CDH18: variants seen among roughly 807,000 people sequenced by gnomAD.
CDH18 encodes the protein cadherin-18.
In CDH18, 31 loss-of-function variants were observed where a neutral mutation model predicts 67.9. The observed-to-expected ratio is 0.46, with a 90% CI of 0.34 to 0.62. The LOEUF is 0.62. Ranked by LOEUF, CDH18 falls within the 20% of genes least tolerant of loss-of-function variation. CDH18 has a pLI of 0.01. For synonymous variants in CDH18, 362 were observed against 347.2 expected, an observed-to-expected ratio of 1.04 and a Z score of -0.48; for missense variants, 890 against 975.5, an observed-to-expected ratio of 0.91 and a Z score of 1.17.
At chr5:19,833,532 C>T (rs1781290648) in intron 3 of CDH18, among the ~76,000 whole-genome samples, 1 of 152,068 alleles carries the variant, frequency 6.6e-6, no homozygotes, top group Admixed American at 6.6e-5. Flanking sequence ...TGCCTGATTG[C>T]CCTGGCCAGA....
At chr5:20,396,607 C>A (rs1199754683) in intron 1 of CDH18, among the ~76,000 whole-genome samples, 2 of 151,264 alleles carry the variant, frequency 1.3e-5, no homozygotes, top group Admixed American at 6.6e-5. Context: ...ATGAATCGGG[C>A]AAATAATTTT....
At chr5:19,801,190 T>C (rs1303578262) in intron 3 of CDH18, among the ~76,000 whole-genome samples, 2 of 152,166 alleles carry the variant, frequency 1.3e-5, no homozygotes, top group African/African-American at 4.8e-5. Context: ...AAAAAAATCC[T>C]TGGTTTCCTT....
chr5:19,652,521 GT>G lies in CDH18; in HGVS notation c.644-39921del, dbSNP rs80124211. The stretch of plus-strand genomic sequence containing the variant: ...TATGAGGAATATTAGAGCAAAAAGA[GT>G]TTTTTTTAAAAAAAAGAATTTAAGA... On this transcript the variant is annotated intron_variant, in intron 5 of 12. Transcript: ENST00000382275. Among the ~76,000 whole-genome samples, 3 of 151,826 alleles carry G rather than the reference GT, an allele frequency of 2.0e-5. No homozygotes were observed. In the South Asian group the frequency reaches 6.2e-4, roughly 31 times the overall value.
chr5:20,335,959 G>A (rs1435430961), intron 1 of CDH18, among the ~76,000 whole-genome samples: 1 of 152,170 alleles, frequency 6.6e-6, no homozygotes, highest in Admixed American at 6.6e-5. Context: ...CTAAGCAGAA[G>A]GGTTTGTGTA....
chr5:19,487,136 G>C (rs1297375476), intron 11 of CDH18, among the ~76,000 whole-genome samples: 1 of 152,168 alleles, frequency 6.6e-6, no homozygotes, highest in Non-Finnish European at 1.5e-5. Flanking sequence ...TTAGAGGCTA[G>C]ACTTTGGAAA....
At chr5:20,499,784 A>G (rs968437856) in intron 1 of CDH18, among the ~76,000 whole-genome samples, 1 of 152,188 alleles carries the variant, frequency 6.6e-6, no homozygotes, top group African/African-American at 2.4e-5. Flanking sequence ...GCATATAGCA[A>G]ATCAATAAAT....
At chr5:19,860,121 G>A (rs777638585) in intron 2 of CDH18, among the ~76,000 whole-genome samples, 23 of 151,800 alleles carry the variant, frequency 1.5e-4, no homozygotes, top group Non-Finnish European at 2.9e-4. Context: ...GTCATCCATT[G>A]AATAATTTTA....
At position 20,118,309 on chromosome 5, in the gene CDH18, A is replaced by C. The variant is rs6861037; in HGVS notation, c.-517-126295T>G. On this transcript the variant is annotated intron_variant, in intron 2 of 14. Transcript: ENST00000507958. ...TAAAAATAGGAAGTTCTCACATCAA[A>C]ATTATAAAAGCATCTATTTATAGCT... 4.6e-3 allele frequency among the ~76,000 whole-genome samples: 699 copies of C among 152,244 alleles called. 7 individuals are homozygous for C. The highest frequency in any genetic ancestry group is 0.016 in the African/African-American group (645 of 41,550).
At chr5:20,226,728 A>G (rs969839040) in intron 2 of CDH18, among the ~76,000 whole-genome samples, 3 of 152,162 alleles carry the variant, frequency 2.0e-5, no homozygotes, top group Non-Finnish European at 4.4e-5. Context: ...AAAGTGGAAT[A>G]ATTATTTACT....
intron 2 of CDH18, among the ~76,000 whole-genome samples, chr5:20,065,729 T>G (rs1220257876): frequency 6.6e-6 from 1 of 152,004 alleles, no homozygotes. Flanking sequence ...GTACTGAAGG[T>G]GAAAAATAAA....
intron 1 of CDH18, among the ~76,000 whole-genome samples, chr5:20,531,869 A>G (rs1358245848): frequency 6.6e-6 from 1 of 152,116 alleles, no homozygotes; most frequent in Admixed American, 6.6e-5. Flanking sequence ...CATTCTGCAC[A>G]TATAGCCTGG....
intron 7 of CDH18, among the ~76,000 whole-genome samples, chr5:19,586,118 C>T (rs1485537982): frequency 6.6e-6 from 1 of 152,130 alleles, no homozygotes; most frequent in Admixed American, 6.6e-5. Flanking sequence ...TAAAATCTGT[C>T]TTGATACAGA....
At chr5:19,822,055 A>G (rs1581506556) in intron 3 of CDH18, among the ~76,000 whole-genome samples, 1 of 152,264 alleles carries the variant, frequency 6.6e-6, no homozygotes, top group East Asian at 1.9e-4. Flanking sequence ...TATACAATTG[A>G]GACTACAATA....
chr5:20,153,125 G>A (rs1274150194), intron 2 of CDH18, among the ~76,000 whole-genome samples: 5 of 151,720 alleles, frequency 3.3e-5, no homozygotes, highest in African/African-American at 7.3e-5. Context: ...GGTATTTTTA[G>A]TACAGACGGG....
At chr5:20,046,226 A>G (rs1740880053) in intron 2 of CDH18, among the ~76,000 whole-genome samples, 1 of 152,018 alleles carries the variant, frequency 6.6e-6, no homozygotes, top group Non-Finnish European at 1.5e-5. Context: ...ACAGATTAAT[A>G]TGAGGGATGA....
chr5:19,950,468 A>G (rs897823275), intron 2 of CDH18, among the ~76,000 whole-genome samples: 16 of 152,132 alleles, frequency 1.1e-4, no homozygotes, highest in African/African-American at 9.7e-5. Flanking sequence ...AATCACCACT[A>G]AAGAACTTAC....
rs1581090034 is a variant in CDH18 at position 19,728,411 on chromosome 5, T to C, written c.524-6945A>G. Among the ~76,000 whole-genome samples the C allele has an allele frequency of 2.0e-5, 3 of 152,204 alleles. No homozygotes were observed. In the South Asian group the frequency reaches 6.2e-4, roughly 31 times the overall value. ...CTGAGGATTAGTTTCTCTCAGCTGA[T>C]GTTTTATACAAATCTGAGAAAGATT... is the stretch of plus-strand genomic sequence containing the variant. On this transcript the variant is annotated intron_variant, in intron 4 of 12. Coordinates refer to ENST00000382275, the MANE Select transcript of CDH18 (RefSeq NM_004934.5).
chr5:19,801,709 G>A (rs1294427533), intron 3 of CDH18, among the ~76,000 whole-genome samples: 1 of 151,976 alleles, frequency 6.6e-6, no homozygotes, highest in Non-Finnish European at 1.5e-5. Flanking sequence ...TTATTTCTTT[G>A]TTTTCAACAT....
chr5:19,825,809 C>A (rs1384738706), intron 3 of CDH18, among the ~76,000 whole-genome samples: 1 of 152,112 alleles, frequency 6.6e-6, no homozygotes, highest in Non-Finnish European at 1.5e-5. Flanking sequence ...AGAACTCTAG[C>A]AACTCAAAAA....
Sources: gnomAD v4.1 joint callset for allele counts (sites outside exome capture counted in the v4.1 genomes callset) on GRCh38, gnomAD v4.1.1 for gene constraint, MANE v1.5 for transcripts, NCBI Gene and HGNC (gene_info 2026-07-23, HGNC 2026-07-21) for gene names.